Variants in TANC1 observed in about 807,000 individuals in gnomAD.
TANC1 encodes tetratricopeptide repeat, ankyrin repeat and coiled-coil containing 1, also known as protein TANC1.
In TANC1, 77 loss-of-function variants were observed where a neutral mutation model predicts 149.7. That is an observed-to-expected ratio of 0.51 (90% CI 0.43 to 0.62). TANC1 has a LOEUF of 0.62. TANC1 is among the 20% of genes least tolerant of loss of function. The probability of loss-of-function intolerance (pLI) is 0.00; values close to 1 mark genes in which losing one functional copy is unlikely to be tolerated. For missense variants in TANC1, 1,985 were observed against 2,321.8 expected (o/e 0.85, Z 2.98); for synonymous variants, 854 against 925.0 (o/e 0.92, Z 1.39).
intron 3 of TANC1, among the ~76,000 whole-genome samples, chr2:159,080,090 G>A (rs1324476121): frequency 6.6e-6 from 1 of 152,084 alleles, no homozygotes; most frequent in Non-Finnish European, 1.5e-5. Flanking sequence ...TGCAACCCCC[G>A]GGACAAATGG....
intron 19 of TANC1, among the ~76,000 whole-genome samples, chr2:159,206,794 TGTG>T (rs2058636380): frequency 6.6e-6 from 1 of 152,216 alleles, no homozygotes; most frequent in Non-Finnish European, 1.5e-5. Flanking sequence ...TGAGACCTCA[TGTG>T]GTGTCCTGGC....
At chr2:159,203,218 T>TTGAGATGGAG (rs2058367817) in intron 19 of TANC1, among the ~76,000 whole-genome samples, 1 of 150,538 alleles carries the variant, frequency 6.6e-6, no homozygotes. Context: ...TCTTTTTTTT[T>TTGAGATGGAG]TTTTTTTGAG....
At chr2:159,039,916 C>T (rs1278031860) in intron 2 of TANC1, among the ~76,000 whole-genome samples, 1 of 152,190 alleles carries the variant, frequency 6.6e-6, no homozygotes, top group Non-Finnish European at 1.5e-5. Flanking sequence ...TGTTAACCTT[C>T]TGTCTCATTG....
At chr2:159,126,012 C>A (rs1428259029) in intron 4 of TANC1, among the ~76,000 whole-genome samples, 1 of 152,204 alleles carries the variant, frequency 6.6e-6, no homozygotes, top group African/African-American at 2.4e-5. Context: ...CCTTCTCACA[C>A]TTTAGTGTCT....
Position 159,229,958 on chromosome 2 carries a change from G to A in TANC1, c.4532G>A (p.Gly1511Asp), listed in dbSNP as rs879118500. Residue 1511 changes from glycine (G) to aspartate (D), a missense_variant, in exon 27 of 27, where the codon GGC becomes GAC. By Grantham distance (94) the Gly-to-Asp change is moderately conservative. Transcript: ENST00000263635. ...TCGCCACAGAGCAGGGCAGGAATCGGCAAGTCCCTGAGAGAGCCTGTGGCC... is the reference window on the plus strand; with the variant it reads ...TCGCCACAGAGCAGGGCAGGAATCGACAAGTCCCTGAGAGAGCCTGTGGCC... ...PVSPQSRAGI[G>D]KSLREPVAQP... 2.5e-6 allele frequency: 4 copies of A among 1,614,052 alleles called. No individual in the cohort carries two copies. The highest frequency in any genetic ancestry group is 1.7e-5 in the Admixed American group (1 of 60,034).
intron 19 of TANC1, among the ~76,000 whole-genome samples, chr2:159,217,153 G>C (rs2059400357): frequency 1.3e-5 from 2 of 152,126 alleles, no homozygotes; most frequent in Non-Finnish European, 2.9e-5. Context: ...TGTCTGCTGG[G>C]AGCCCATCTG....
chr2:159,014,029 G>C (rs779787848), intron 2 of TANC1, among the ~76,000 whole-genome samples: 15 of 152,088 alleles, frequency 9.9e-5, no homozygotes, highest in South Asian at 2.1e-4. Context: ...AATTGGATTA[G>C]GGCCCACCCT....
rs371680713 is a variant in TANC1, at chr2:159,041,531, C to T, written c.-15-24365C>T. Among the ~76,000 whole-genome samples, 41 of 152,328 alleles carry T rather than the reference C, an allele frequency of 2.7e-4. No individual in the cohort carries two copies. In the South Asian group the frequency reaches 3.7e-3, roughly 14 times the overall value. On this transcript the variant is annotated intron_variant, in intron 2 of 26. Transcript: ENST00000263635. ...CCAGCTAGGCTGCCACCTTGCAGCT[C>T]GATCTCGGACTGCTGTGCTAGCAGT...
intron 19 of TANC1, among the ~76,000 whole-genome samples, chr2:159,204,085 T>C (rs2058443126): frequency 6.6e-6 from 1 of 152,246 alleles, no homozygotes; most frequent in South Asian, 2.1e-4. Flanking sequence ...GTTTAAAATC[T>C]CATCTTAATT....
At chr2:158,990,848 G>A (rs912042637) in intron 1 of TANC1, among the ~76,000 whole-genome samples, 2 of 152,016 alleles carry the variant, frequency 1.3e-5, no homozygotes, top group African/African-American at 4.8e-5. Flanking sequence ...CAGGGTGGGC[G>A]GATTGCTTGA....
intron 8 of TANC1, among the ~76,000 whole-genome samples, chr2:159,165,845 C>T (rs1412904445): frequency 6.6e-6 from 1 of 152,240 alleles, no homozygotes; most frequent in Non-Finnish European, 1.5e-5. Context: ...TTCACAGCCT[C>T]CTCATGGGGC....
At chr2:159,118,220 A>G (rs1030052334) in intron 4 of TANC1, among the ~76,000 whole-genome samples, 1 of 151,962 alleles carries the variant, frequency 6.6e-6, no homozygotes, top group Non-Finnish European at 1.5e-5. Flanking sequence ...TCCCCCTTCC[A>G]TATATTAACA....
At chr2:159,229,537 C>T (rs535493119) in intron 26 of TANC1, 41 bp from the exon 27 acceptor site, 33 of 1,450,512 alleles carry the variant, frequency 2.3e-5, no homozygotes, top group South Asian at 1.7e-4. Flanking sequence ...TGAGCATGTT[C>T]GTGTGTGGTT....
At chr2:159,005,960 A>G (rs758598084) in intron 2 of TANC1, among the ~76,000 whole-genome samples, 2 of 152,142 alleles carry the variant, frequency 1.3e-5, no homozygotes, top group Non-Finnish European at 2.9e-5. Context: ...ATGTAATTCA[A>G]GATACAACAG....
chr2:159,053,126 G>A (rs555765951), intron 2 of TANC1, among the ~76,000 whole-genome samples: 1 of 83,342 alleles, frequency 1.2e-5, no homozygotes, highest in Non-Finnish European at 2.8e-5. Context: ...CATTAAACCT[G>A]AATTTTTTTT....
At chr2:159,037,843 T>C (rs564880004) in intron 2 of TANC1, among the ~76,000 whole-genome samples, 3 of 152,354 alleles carry the variant, frequency 2.0e-5, no homozygotes, top group Non-Finnish European at 4.4e-5. Flanking sequence ...TGGAGGCTCT[T>C]TTTTAGTTCC....
At chr2:159,029,236 A>T (rs773809069) in intron 2 of TANC1, among the ~76,000 whole-genome samples, 1 of 152,122 alleles carries the variant, frequency 6.6e-6, no homozygotes, top group Non-Finnish European at 1.5e-5. Flanking sequence ...TTGTTTATCC[A>T]TTTATCTGTT....
At chr2:159,081,747 AGG>A (rs1363237616) in intron 3 of TANC1, among the ~76,000 whole-genome samples, 3 of 151,730 alleles carry the variant, frequency 2.0e-5, no homozygotes, top group Non-Finnish European at 4.4e-5. Flanking sequence ...GAGAGATTGG[AGG>A]GGCGGGGCAG....
At chr2:159,216,507 G>T (rs569713529) in intron 19 of TANC1, among the ~76,000 whole-genome samples, 1 of 152,010 alleles carries the variant, frequency 6.6e-6, no homozygotes, top group African/African-American at 2.4e-5. Flanking sequence ...CACCTCCTCC[G>T]TCCTCCTCTC....
Sources: gnomAD v4.1 joint callset for allele counts (sites outside exome capture counted in the v4.1 genomes callset) on GRCh38, gnomAD v4.1.1 for gene constraint, MANE v1.5 for transcripts, NCBI Gene and HGNC (gene_info 2026-07-23, HGNC 2026-07-21) for gene names.